Variants in HECW2 observed in about 807,000 individuals in gnomAD.
HECW2 encodes HECT, C2 and WW domain containing E3 ubiquitin protein ligase 2.
In HECW2, 61 loss-of-function variants were observed where a neutral mutation model predicts 175.2. That is an observed-to-expected ratio of 0.35 (90% CI 0.28 to 0.43). The LOEUF is 0.43. Among genes scored for constraint, HECW2 ranks in the 20% least tolerant of loss-of-function variants. The pLI is 1.00. For synonymous variants in HECW2, 671 were observed against 731.0 expected (o/e 0.92, Z 1.32); for missense variants, 1,524 against 2,000.5 (o/e 0.76, Z 4.54).
intron 17 of HECW2, among the ~76,000 whole-genome samples, chr2:196,258,330 C>T (rs1159578688): frequency 3.3e-5 from 5 of 152,080 alleles, no homozygotes; most frequent in Admixed American, 1.3e-4. Flanking sequence ...TGAGGCCATA[C>T]CTTTAAGTTG....
intron 28 of HECW2, among the ~76,000 whole-genome samples, chr2:196,212,180 C>T (rs1191235005): frequency 7.5e-6 from 1 of 133,140 alleles, no homozygotes; most frequent in Non-Finnish European, 1.6e-5. Flanking sequence ...CCATTTTTCT[C>T]CCATGTGTGC....
rs866915319 is a variant in HECW2 at position 196,379,106 on chromosome 2, A to T, written c.293-35342T>A. Among the ~76,000 whole-genome samples the T allele has an allele frequency of 4.6e-5, 7 of 152,090 alleles. No homozygotes were observed. The Middle Eastern group carries it at 0.01, about 225-fold the overall frequency. The stretch of plus-strand genomic sequence containing the variant: ...AAAAAAAAAACAAATCCTGAATGTG[A>T]GACATTCTCAAGGACAACAGATACA... On this transcript the variant is annotated intron_variant, in intron 2 of 28. Coordinates refer to ENST00000644978, the MANE Select transcript of HECW2 (RefSeq NM_001348768.2).
chr2:196,480,584 G>A (rs1391489673), intron 1 of HECW2, among the ~76,000 whole-genome samples: 5 of 152,236 alleles, frequency 3.3e-5, no homozygotes, highest in African/African-American at 9.6e-5. Flanking sequence ...CAGTCCGTGA[G>A]TTTTCTTCAA....
At chr2:196,506,298 C>T (rs1007688551) in intron 1 of HECW2, among the ~76,000 whole-genome samples, 2 of 152,148 alleles carry the variant, frequency 1.3e-5, no homozygotes, top group African/African-American at 2.4e-5. Flanking sequence ...GTTTATGAGG[C>T]TTACAGAATC....
intron 1 of HECW2, among the ~76,000 whole-genome samples, chr2:196,589,602 C>A (rs147037073): frequency 6.6e-6 from 1 of 152,286 alleles, no homozygotes; most frequent in Non-Finnish European, 1.5e-5. Context: ...TCCTATTATC[C>A]TCATGGCCCT....
At chr2:196,579,329 A>G (rs1180133203) in intron 1 of HECW2, among the ~76,000 whole-genome samples, 4 of 152,142 alleles carry the variant, frequency 2.6e-5, no homozygotes, top group Admixed American at 1.3e-4. Context: ...TAAGACAGTA[A>G]TGGAACTCAG....
chr2:196,494,200 G>A (rs993011430), intron 1 of HECW2, among the ~76,000 whole-genome samples: 1 of 152,202 alleles, frequency 6.6e-6, no homozygotes, highest in South Asian at 2.1e-4. Context: ...AGCAGTGGGA[G>A]CTGAAGCTGG....
At chr2:196,470,474 T>C (rs1697151019) in intron 1 of HECW2, among the ~76,000 whole-genome samples, 1 of 152,234 alleles carries the variant, frequency 6.6e-6, no homozygotes, top group Non-Finnish European at 1.5e-5. Context: ...CTAAACTTTA[T>C]TTTTTCTGTT....
At chr2:196,556,457 T>A (rs1689798136) in intron 1 of HECW2, among the ~76,000 whole-genome samples, 1 of 152,192 alleles carries the variant, frequency 6.6e-6, no homozygotes, top group African/African-American at 2.4e-5. Context: ...TTTTCTCCCG[T>A]TCCCGACCCT....
intron 28 of HECW2, among the ~76,000 whole-genome samples, chr2:196,204,522 C>T (rs973152608): frequency 2.6e-5 from 4 of 152,200 alleles, no homozygotes; most frequent in African/African-American, 9.6e-5. Context: ...CCCAAGGGAA[C>T]TTGGAAGCAG....
At chr2:196,282,126 G>C (rs886247306) in intron 14 of HECW2, among the ~76,000 whole-genome samples, 2 of 152,202 alleles carry the variant, frequency 1.3e-5, no homozygotes, top group Non-Finnish European at 2.9e-5. Context: ...AAAAAAAGGA[G>C]GACCAGTGAA....
intron 2 of HECW2, among the ~76,000 whole-genome samples, chr2:196,407,195 T>C (rs1400715161): frequency 6.6e-6 from 1 of 150,436 alleles, no homozygotes; most frequent in Non-Finnish European, 1.5e-5. Context: ...ATGTGGCAGA[T>C]AATACTTTCA....
chr2:196,489,943 G>A (rs1687127554), intron 1 of HECW2, among the ~76,000 whole-genome samples: 1 of 152,190 alleles, frequency 6.6e-6, no homozygotes, highest in South Asian at 2.1e-4. Flanking sequence ...GTAAGAGGCA[G>A]AAACAAATTT....
At chr2:196,299,361 A>G (rs915656998) in intron 13 of HECW2, among the ~76,000 whole-genome samples, 3 of 151,140 alleles carry the variant, frequency 2.0e-5, no homozygotes, top group Non-Finnish European at 4.4e-5. Flanking sequence ...GCTGCTTAGT[A>G]TTTTCATACT....
chr2:196,297,849 T>G (rs1033227039), intron 13 of HECW2, among the ~76,000 whole-genome samples: 1 of 152,254 alleles, frequency 6.6e-6, no homozygotes, highest in Non-Finnish European at 1.5e-5. Context: ...TGCAGAGATA[T>G]CAAAACAGTC....
At chr2:196,243,191 G>A (rs2105887338) in intron 19 of HECW2, among the ~76,000 whole-genome samples, 1 of 112,446 alleles carries the variant, frequency 8.9e-6, no homozygotes, top group Admixed American at 1.0e-4. Flanking sequence ...TTTTGAGACG[G>A]AGTTTCGCTC....
chr2:196,494,261 T>C (rs902248318), intron 1 of HECW2, among the ~76,000 whole-genome samples: 1 of 152,202 alleles, frequency 6.6e-6, no homozygotes, highest in African/African-American at 2.4e-5. Flanking sequence ...CAAGCTGATA[T>C]GCTGGCGGGG....
In HECW2 at chr2:196,315,555, T is replaced by C. The variant is rs73988158; in HGVS notation, c.2434+1719A>G. On this transcript the variant is annotated intron_variant, in intron 10 of 28. Transcript: ENST00000644978. The stretch of plus-strand genomic sequence containing the variant: ...AGGGAACACTTCTTAAGAATTTTTC[T>C]CCTGTTTGTCAGTCACTGATTAAAT... 3.7e-3 allele frequency among the ~76,000 whole-genome samples: 570 copies of C among 152,326 alleles called. 3 individuals are homozygous for C. The highest frequency in any genetic ancestry group is 0.013 in the African/African-American group (535 of 41,562).
At chr2:196,561,306 G>A (rs1244637064) in intron 1 of HECW2, among the ~76,000 whole-genome samples, 2 of 152,144 alleles carry the variant, frequency 1.3e-5, no homozygotes, top group Admixed American at 1.3e-4. Flanking sequence ...ATTCCAGCCT[G>A]GCAAATTCTA....
Sources: gnomAD v4.1 joint callset for allele counts (sites outside exome capture counted in the v4.1 genomes callset) on GRCh38, gnomAD v4.1.1 for gene constraint, MANE v1.5 for transcripts, NCBI Gene and HGNC (gene_info 2026-07-23, HGNC 2026-07-21) for gene names.